Variants in LYN observed in about 807,000 individuals in gnomAD.
LYN encodes tyrosine-protein kinase Lyn.
In LYN, 12 loss-of-function variants were observed where a neutral mutation model predicts 65.0. The ratio of observed to expected loss-of-function variants is 0.18; its 90% CI spans 0.12 to 0.30. The LOEUF (loss-of-function observed/expected upper bound fraction) is 0.30, where lower values mean the gene tolerates loss of function less well. Among genes scored for constraint, LYN ranks in the 10% least tolerant of loss-of-function variants. LYN has a pLI of 1.00. For missense variants in LYN, 380 were observed against 623.2 expected (o/e 0.61, Z 4.16); for synonymous variants, 222 against 221.2 (o/e 1.00, Z -0.03).
intron 1 of LYN, among the ~76,000 whole-genome samples, chr8:55,881,366 G>A (rs1389987097): frequency 6.6e-6 from 1 of 152,170 alleles, no homozygotes; most frequent in African/African-American, 2.4e-5. Flanking sequence ...GGGCTACAGG[G>A]ATGTTTTCTC....
At chr8:55,994,683 C>T in intron 10 of LYN, among the ~76,000 whole-genome samples, 1 of 152,156 alleles carries the variant, frequency 6.6e-6, no homozygotes. Flanking sequence ...TGGTTTCAGG[C>T]CCAATTTGGG....
intron 4 of LYN, among the ~76,000 whole-genome samples, chr8:55,949,900 C>T (rs1325658232): frequency 6.6e-6 from 1 of 152,088 alleles, no homozygotes; most frequent in Non-Finnish European, 1.5e-5. Flanking sequence ...AAAAGGAAAC[C>T]CTGCACCCCT....
At chr8:55,897,457 A>G (rs955322060) in intron 1 of LYN, among the ~76,000 whole-genome samples, 2 of 152,054 alleles carry the variant, frequency 1.3e-5, no homozygotes, top group East Asian at 3.9e-4. Flanking sequence ...ACAGCAGAAG[A>G]TCTCCAGAGT....
At chr8:55,882,116 T>G (rs753865571) in intron 1 of LYN, among the ~76,000 whole-genome samples, 1 of 151,918 alleles carries the variant, frequency 6.6e-6, no homozygotes, top group Non-Finnish European at 1.5e-5. Flanking sequence ...TAAATGAGAG[T>G]CTCCACTCAG....
intron 1 of LYN, among the ~76,000 whole-genome samples, chr8:55,901,270 A>G (rs1805253731): frequency 6.6e-6 from 1 of 152,194 alleles, no homozygotes; most frequent in East Asian, 1.9e-4. Flanking sequence ...GTCCTTTAAA[A>G]CAGGAAAATT....
rs73590371 is a variant in LYN, at chr8:56,000,399, C to T, written c.1336+850C>T. 6.1e-3 allele frequency among the ~76,000 whole-genome samples: 930 copies of T among 152,146 alleles called. 7 individuals are homozygous for T. The highest frequency in any genetic ancestry group is 0.021 in the African/African-American group (870 of 41,446). On this transcript the variant is annotated intron_variant, in intron 12 of 12. Coordinates refer to ENST00000519728, the MANE Select transcript of LYN (RefSeq NM_002350.4). ...CTGCAGAGCCAGATTCTGACCATCC[C>T]TCCATTTTTCCATGGTCTGTGCTGG...
chr8:55,960,625 A>C (rs1231715933), intron 8 of LYN, among the ~76,000 whole-genome samples: 1 of 152,222 alleles, frequency 6.6e-6, no homozygotes, highest in Non-Finnish European at 1.5e-5. Flanking sequence ...GCTAGAATTT[A>C]GTTTTCTCTT....
chr8:56,000,994 G>A (rs1488152093), intron 12 of LYN, among the ~76,000 whole-genome samples: 3 of 152,142 alleles, frequency 2.0e-5, no homozygotes, highest in Admixed American at 6.5e-5. Flanking sequence ...CCATCCTGTA[G>A]GGTGGTGAGA....
intron 10 of LYN, among the ~76,000 whole-genome samples, chr8:55,993,731 GTGGT>G (rs1197814553): frequency 1.3e-5 from 2 of 152,210 alleles, no homozygotes; most frequent in African/African-American, 2.4e-5. Flanking sequence ...TGGGGAAATG[GTGGT>G]TATTAATATC....
chr8:55,942,418 T>C (rs1299836472), intron 2 of LYN, among the ~76,000 whole-genome samples: 1 of 141,002 alleles, frequency 7.1e-6, no homozygotes, highest in Non-Finnish European at 1.5e-5. Flanking sequence ...TATATATGTG[T>C]GTATATATAT....
At chr8:55,969,591 A>G (rs1434637332) in intron 9 of LYN, 126 bp from the exon 10 acceptor site, 2 of 761,234 alleles carry the variant, frequency 2.6e-6, no homozygotes, top group East Asian at 4.9e-5. Context: ...TTATATAACC[A>G]TACAGAATTG....
chr8:55,969,798 CAT>C lies in LYN; in HGVS notation c.1050+8_1050+9del, dbSNP rs760222750. 2.8e-5 allele frequency: 45 copies of C among 1,613,716 alleles called. No homozygotes were observed. The highest frequency in any genetic ancestry group is 3.7e-5 in the Non-Finnish European group (44 of 1,179,692). On this transcript the variant is annotated splice_donor_region_variant and intron_variant, in intron 10 of 12. Transcript: ENST00000519728. ...CTCATTGACTTTTCTGCTCAGGTAA[CAT>C]ATTCAAAAAGCCCCGTGTGCACGTG...
intron 1 of LYN, among the ~76,000 whole-genome samples, chr8:55,936,989 T>C (rs1451708601): frequency 2.6e-5 from 4 of 152,222 alleles, no homozygotes; most frequent in Admixed American, 1.3e-4. Context: ...CCCACGTCTT[T>C]TGTCTCTGAC....
chr8:55,975,472 C>A (rs1039735777), intron 10 of LYN, among the ~76,000 whole-genome samples: 5 of 152,320 alleles, frequency 3.3e-5, no homozygotes, highest in Admixed American at 2.0e-4. Context: ...TTTAGACTAT[C>A]TATGTGAATC....
intron 8 of LYN, among the ~76,000 whole-genome samples, chr8:55,959,365 A>G (rs1563314099): frequency 1.3e-5 from 2 of 152,216 alleles, no homozygotes; most frequent in Non-Finnish European, 2.9e-5. Flanking sequence ...TAACGTTTTA[A>G]ATGACAGAGG....
At chr8:55,952,511 G>T (rs1242505659) in intron 7 of LYN, among the ~76,000 whole-genome samples, 1 of 152,226 alleles carries the variant, frequency 6.6e-6, no homozygotes, top group Non-Finnish European at 1.5e-5. Context: ...AGTGAGCTGA[G>T]ATCGCGCCAC....
At chr8:55,902,307 C>T (rs540014302) in intron 1 of LYN, among the ~76,000 whole-genome samples, 72 of 149,768 alleles carry the variant, frequency 4.8e-4, no homozygotes, top group African/African-American at 1.3e-3. Context: ...TGCGCCTGGC[C>T]GTAACAGTGT....
At chr8:55,903,831 T>C (rs996893517) in intron 1 of LYN, among the ~76,000 whole-genome samples, 11 of 152,064 alleles carry the variant, frequency 7.2e-5, no homozygotes, top group African/African-American at 2.7e-4. Context: ...CTGGGCAACA[T>C]AGAGAGACCC....
rs1808860705 is a variant in LYN, at chr8:56,013,164, GAATT to G, written c.*3059_*3062del. On this transcript the variant is annotated 3_prime_UTR_variant, in exon 13 of 13. Coordinates refer to ENST00000519728, the MANE Select transcript of LYN (RefSeq NM_002350.4). ...TAAAAGGATAATAACTAAAAGGAGG[GAATT>G]AATTTTGTTGCCTACACCAGGGATA... 1 of 152,150 alleles carries G rather than the reference GAATT, an allele frequency of 6.6e-6. No individual in the cohort carries two copies. The highest frequency in any genetic ancestry group is 6.5e-5 in the Admixed American group (1 of 15,280). The allele number at this position is 152,150 out of a possible 1,614,324, so 9.4% of individuals were successfully genotyped here. A position where few individuals can be genotyped will look rare whatever the true frequency, so the allele number is the denominator to read the frequency against.
Sources: gnomAD v4.1 joint callset for allele counts (sites outside exome capture counted in the v4.1 genomes callset) on GRCh38, gnomAD v4.1.1 for gene constraint, MANE v1.5 for transcripts, NCBI Gene and HGNC (gene_info 2026-07-23, HGNC 2026-07-21) for gene names.